ZSCAN9: variants seen among roughly 807,000 people sequenced by gnomAD.
The protein encoded by ZSCAN9 is zinc finger and SCAN domain containing 9.
A neutral mutation model predicts 23.0 loss-of-function variants in ZSCAN9; 19 were observed. The ratio of observed to expected loss-of-function variants is 0.83; its 90% CI spans 0.58 to 1.21. The LOEUF is 1.21. Ranked by LOEUF, ZSCAN9 falls within the 50% of genes most tolerant of loss-of-function variation. The pLI is 0.00. For missense variants in ZSCAN9, 467 were observed against 471.5 expected, an observed-to-expected ratio of 0.99 and a Z score of 0.09; for synonymous variants, 155 against 164.8, an observed-to-expected ratio of 0.94 and a Z score of 0.46.
rs762408614 is a variant in ZSCAN9, at chr6:28,233,141, G to A, written c.1148G>A (p.Arg383His). 16 of 1,613,874 alleles carry A rather than the reference G, an allele frequency of 9.9e-6. No individual in the cohort carries two copies. Among genetic ancestry groups the A allele is most frequent in the Middle Eastern group, 1.6e-4 (1 of 6,084 alleles). Residue 383 changes from arginine to histidine, a missense_variant, in exon 4 of 4, where the codon CGC becomes CAC. Coordinates refer to ENST00000252207, the MANE Select transcript of ZSCAN9 (RefSeq NM_006299.5). The part of the protein sequence containing the change: ...KSFNRHCNLI[R>H]HQKIHTVAEL... ...TTTAATCGACACTGCAACCTCATTC[G>A]CCATCAGAAGATCCACACAGTGGCT...
chr6:28,231,559 G>A (rs1760301202), intron 3 of ZSCAN9, among the ~76,000 whole-genome samples: 1 of 152,144 alleles, frequency 6.6e-6, no homozygotes, highest in South Asian at 2.1e-4. Flanking sequence ...AGCCTGGCCA[G>A]CATGACGAAA....
Position 28,233,080 on chromosome 6 carries a change from G to T in ZSCAN9, c.1087G>T (p.Glu363Ter), listed in dbSNP as rs200976717. Residue 363 changes from glutamate to a stop codon, truncating the protein, a stop_gained, in exon 4 of 4, where the codon GAG (glutamate) becomes TAG (stop). Transcript: ENST00000252207. LOFTEE classifies it low-confidence loss of function (END_TRUNC). ...LIEHQRSHTG[E>*]RPHQCIECGK... ...TGAACATCAGAGAAGCCACACAGGG[G>T]AGCGACCTCACCAGTGCATTGAATG... is the stretch of plus-strand genomic sequence containing the variant. 2.8e-5 allele frequency: 46 copies of T among 1,614,070 alleles called. 1 individual carries two copies. The African/African-American group carries it at 3.7e-4, about 13-fold the overall frequency.
chr6:28,226,569 C>G (rs1462430261), intron 1 of ZSCAN9, among the ~76,000 whole-genome samples: 2 of 152,124 alleles, frequency 1.3e-5, no homozygotes, highest in East Asian at 1.9e-4. Flanking sequence ...ATAAAGAAAT[C>G]AAGATTGAAA....
intron 2 of ZSCAN9, 81 bp downstream of exon 2, chr6:28,227,585 G>T: frequency 6.4e-7 from 1 of 1,567,076 alleles, no homozygotes; most frequent in South Asian, 1.2e-5. Context: ...GTGTCTCCTT[G>T]ACATTGGTGA....
intron 3 of ZSCAN9, among the ~76,000 whole-genome samples, chr6:28,232,302 G>A (rs1376689234): frequency 6.6e-6 from 1 of 152,174 alleles, no homozygotes; most frequent in African/African-American, 2.4e-5. Flanking sequence ...TTGCACTCCA[G>A]CCTGGGCTAC....
chr6:28,228,051 TC>T (rs1398523204), intron 3 of ZSCAN9: 1 of 709,186 alleles, frequency 1.4e-6, no homozygotes, highest in Admixed American at 2.0e-5. Flanking sequence ...TTTCTGGACT[TC>T]TGATGCATGG....
intron 2 of ZSCAN9, 92 bp downstream of exon 2, chr6:28,227,596 T>C (rs968674138): frequency 6.4e-7 from 1 of 1,570,468 alleles, no homozygotes; most frequent in Non-Finnish European, 8.6e-7. Flanking sequence ...ACATTGGTGA[T>C]AAAATACTCT....
rs762111424 is a variant in ZSCAN9 at position 28,232,971 on chromosome 6, C to A, written c.978C>A (p.Ile326=). 1.2e-6 allele frequency: 2 copies of A among 1,614,174 alleles called. No homozygotes were observed. Among genetic ancestry groups the A allele is most frequent in the South Asian group, 2.2e-5 (2 of 91,072 alleles). The change falls in exon 4 of 4, where the codon ATC becomes ATA. Residue 326 remains isoleucine (I), a synonymous_variant. Coordinates refer to ENST00000252207, the MANE Select transcript of ZSCAN9 (RefSeq NM_006299.5). ...GKVFSQSAGL[I]QHQRIHKGEK... ...TCTTCAGTCAGAGTGCGGGTCTTAT[C>A]CAGCATCAGAGAATCCACAAAGGAG...
Position 28,230,146 on chromosome 6 carries a change from A to C in ZSCAN9, c.568+2309A>C, listed in dbSNP as rs952084727. Among the ~76,000 whole-genome samples, 14 of 152,306 alleles carry C rather than the reference A, an allele frequency of 9.2e-5. No individual in the cohort carries two copies. In the South Asian group the frequency reaches 1.4e-3, roughly 16 times the overall value. The stretch of plus-strand genomic sequence containing the variant: ...TGCTGGGATTACAGGCGTGAGTCAC[A>C]GCGCCTGGCCCATATTTTTCTATAG... On this transcript the variant is annotated intron_variant, in intron 3 of 3. Coordinates refer to ENST00000252207, the MANE Select transcript of ZSCAN9 (RefSeq NM_006299.5).
intron 3 of ZSCAN9, among the ~76,000 whole-genome samples, chr6:28,231,332 G>A (rs539250602): frequency 6.6e-6 from 1 of 152,270 alleles, no homozygotes; most frequent in African/African-American, 2.4e-5. Context: ...TGTGCAACAG[G>A]CAGGCAGCAT....
rs767582693 is a variant in ZSCAN9, at chr6:28,227,486, C to G, written c.402C>G (p.Leu134=). ...TGCTGGAGGATCTGGAGAGAGAGCT[C>G]GATGAACCACAACATGAGGTAGGAA... ...VILLEDLERE[L]DEPQHEMVAH... The change falls in exon 2 of 4, where the codon CTC becomes CTG. Residue 134 remains leucine (L), a synonymous_variant. Transcript: ENST00000252207. 6.3e-7 allele frequency: 1 copy of G among 1,599,550 alleles called. No homozygotes were observed. Among genetic ancestry groups the G allele is most frequent in the Non-Finnish European group, 8.5e-7 (1 of 1,173,410 alleles).
chr6:28,233,027 A>G lies in ZSCAN9; in HGVS notation c.1034A>G (p.Lys345Arg). 4 of 1,614,180 alleles carry G rather than the reference A, an allele frequency of 2.5e-6. No individual in the cohort carries two copies. Among genetic ancestry groups the G allele is most frequent in the Non-Finnish European group, 3.4e-6 (4 of 1,180,006 alleles). ...CCGTATCAGTGCAGCCAGTGCAGTAAGAGCTACAGTCGGCGTTCATTTCTC... is the reference window on the plus strand; with the variant it reads ...CCGTATCAGTGCAGCCAGTGCAGTAGGAGCTACAGTCGGCGTTCATTTCTC... ...EKPYQCSQCS[K>R]SYSRRSFLIE... Residue 345 changes from lysine (K) to arginine (R), a missense_variant, in exon 4 of 4, where the codon AAG becomes AGG. Coordinates refer to ENST00000252207, the MANE Select transcript of ZSCAN9 (RefSeq NM_006299.5).
chr6:28,231,293 T>A (rs1433600689), intron 3 of ZSCAN9, among the ~76,000 whole-genome samples: 2 of 152,098 alleles, frequency 1.3e-5, no homozygotes, highest in East Asian at 3.8e-4. Flanking sequence ...ACTGCAACAG[T>A]CAATCTCATA....
chr6:28,227,897 A>G (rs1760169999), intron 3 of ZSCAN9, 60 bp downstream of exon 3: 2 of 1,595,056 alleles, frequency 1.3e-6, no homozygotes, highest in Non-Finnish European at 1.7e-6. Flanking sequence ...AAAAACAAAC[A>G]ATAAACCCAG....
intron 1 of ZSCAN9, among the ~76,000 whole-genome samples, 193 bp downstream of exon 1, chr6:28,225,559 G>A (rs1445849813): frequency 6.6e-6 from 1 of 152,148 alleles, no homozygotes; most frequent in Non-Finnish European, 1.5e-5. Flanking sequence ...TACAAGAAAG[G>A]GTTGTAGGAG....
chr6:28,231,319 A>G (rs1056137559), intron 3 of ZSCAN9, among the ~76,000 whole-genome samples: 2 of 152,214 alleles, frequency 1.3e-5, no homozygotes, highest in South Asian at 4.1e-4. Context: ...GATGGCTACT[A>G]TGTGTGCAAC....
rs776848270 is a variant in ZSCAN9, at chr6:28,232,829, A to C, written c.836A>C (p.Glu279Ala). The C allele has an allele frequency of 5.0e-6, 8 of 1,614,052 alleles. No homozygotes were observed. The East Asian group carries it at 1.3e-4, about 27-fold the overall frequency. The change falls in exon 4 of 4, where the codon GAA becomes GCA. Residue 279 changes from glutamate to alanine, a missense_variant. Glu to Ala is a moderately radical substitution (Grantham distance 107, BLOSUM62 -1). Coordinates refer to ENST00000252207, the MANE Select transcript of ZSCAN9 (RefSeq NM_006299.5). Reference protein sequence around the residue: ...LIRHQRIHTGERPYECNECGK... With the variant: ...LIRHQRIHTGARPYECNECGK... ...CGACATCAAAGAATTCATACTGGAGAAAGACCTTATGAATGTAATGAATGT... is the reference window on the plus strand; with the variant it reads ...CGACATCAAAGAATTCATACTGGAGCAAGACCTTATGAATGTAATGAATGT...
At chr6:28,232,376 G>T (rs1456008229) in intron 3 of ZSCAN9, among the ~76,000 whole-genome samples, 186 bp from the exon 4 acceptor site, 2 of 152,186 alleles carry the variant, frequency 1.3e-5, no homozygotes, top group Non-Finnish European at 2.9e-5. Context: ...TCTACATGGG[G>T]ATGGACTGAC....
chr6:28,232,655 C>T lies in ZSCAN9; in HGVS notation c.662C>T (p.Thr221Ile). ...EPHGKMFNEQ[T>I]WEVSQQDPSH... ...CATGGGAAAATGTTTAATGAGCAGACCTGGGAGGTATCACAGCAGGATCCC... is the reference window on the plus strand; with the variant it reads ...CATGGGAAAATGTTTAATGAGCAGATCTGGGAGGTATCACAGCAGGATCCC... Residue 221 changes from threonine (T) to isoleucine (I), a missense_variant, in exon 4 of 4, where the codon ACC becomes ATC. By Grantham distance (89) the Thr-to-Ile change is moderately conservative. Transcript: ENST00000252207. 6.2e-7 allele frequency: 1 copy of T among 1,614,104 alleles called. No individual in the cohort carries two copies. Among genetic ancestry groups the T allele is most frequent in the Non-Finnish European group, 8.5e-7 (1 of 1,180,026 alleles).
Sources: gnomAD v4.1 joint callset for allele counts (sites outside exome capture counted in the v4.1 genomes callset) on GRCh38, gnomAD v4.1.1 for gene constraint, MANE v1.5 for transcripts, NCBI Gene and HGNC (gene_info 2026-07-23, HGNC 2026-07-21) for gene names.